The following ADD3 variants were observed in gnomAD, a reference collection of about 807,000 sequenced individuals.
The protein encoded by ADD3 is gamma-adducin.
In ADD3, 25 loss-of-function variants were observed where a neutral mutation model predicts 80.2. That is an observed-to-expected ratio of 0.31 (90% confidence interval 0.23 to 0.44). The LOEUF is 0.44. Among genes scored for constraint, ADD3 ranks in the 20% least tolerant of loss-of-function variants. The probability of loss-of-function intolerance (pLI) is 1.00; values close to 1 mark genes in which losing one functional copy is unlikely to be tolerated. For synonymous variants in ADD3, 284 were observed against 289.6 expected (o/e 0.98, Z 0.20); for missense variants, 829 against 847.5 (o/e 0.98, Z 0.27).
intron 2 of ADD3, among the ~76,000 whole-genome samples, chr10:110,103,182 TG>T (rs1849026942): frequency 6.6e-6 from 1 of 152,240 alleles, no homozygotes; most frequent in Admixed American, 6.5e-5. Flanking sequence ...TTTCTTTTAA[TG>T]CAACAGAAAC....
At chr10:110,030,427 T>C (rs1415747633) in intron 1 of ADD3, among the ~76,000 whole-genome samples, 1 of 151,634 alleles carries the variant, frequency 6.6e-6, no homozygotes, top group East Asian at 1.9e-4. Flanking sequence ...CTTGTGTATA[T>C]GTTTGACAAA....
rs770713217 is a variant in ADD3, at chr10:110,118,711, A to C, written c.692A>C (p.His231Pro). Residue 231 changes from histidine to proline, a missense_variant, in exon 6 of 15, where the codon CAC (histidine) becomes CCC (proline). Transcript: ENST00000356080. ...CGTCCTGATGTTAAGTGTGTGATAC[A>C]CATCCATACCCTTGCAACAGCAGCT... ...STRPDVKCVI[H>P]IHTLATAAVS... The C allele has an allele frequency of 6.2e-7, 1 of 1,614,030 alleles. No individual in the cohort carries two copies. The highest frequency in any genetic ancestry group is 8.5e-7 in the Non-Finnish European group (1 of 1,180,000).
chr10:110,135,457 C>G lies in ADD3; in HGVS notation c.*1839C>G, dbSNP rs972162814. The G allele has an allele frequency of 3.9e-5, 6 of 152,502 alleles. No individual in the cohort carries two copies. The highest frequency in any genetic ancestry group is 1.4e-4 in the African/African-American group (6 of 41,390). 9.4% of individuals were successfully genotyped at this position (152,502 alleles called of 1,614,324 possible). ...TACTTGCTTTGGCATAAAGAATGAG[C>G]CAATGAACCTCTGTGTCCTGTGGAA... On this transcript the variant is annotated 3_prime_UTR_variant, in exon 15 of 15. Transcript: ENST00000356080.
chr10:110,065,376 A>C (rs1039672579), intron 1 of ADD3, among the ~76,000 whole-genome samples: 8 of 151,702 alleles, frequency 5.3e-5, no homozygotes, highest in Non-Finnish European at 1.5e-5. Flanking sequence ...CCACTCTGCA[A>C]AAAGTCTCTA....
intron 1 of ADD3, among the ~76,000 whole-genome samples, chr10:110,079,972 C>T (rs1845883337): frequency 6.6e-6 from 1 of 152,176 alleles, no homozygotes; most frequent in Non-Finnish European, 1.5e-5. Context: ...ATCAGACGTA[C>T]TTATGCTATC....
At chr10:110,071,921 AT>A (rs60622863) in intron 1 of ADD3, among the ~76,000 whole-genome samples, 18,937 of 152,226 alleles carry the variant, frequency 0.12, 3,762 homozygotes, top group African/African-American at 0.42. Flanking sequence ...TATTTTGAAC[AT>A]TAACCATATT....
chr10:110,060,011 C>T (rs1858691880), intron 1 of ADD3, among the ~76,000 whole-genome samples: 1 of 152,148 alleles, frequency 6.6e-6, no homozygotes, highest in Non-Finnish European at 1.5e-5. Context: ...GTGTATTACA[C>T]AGGCTTGGTC....
intron 1 of ADD3, among the ~76,000 whole-genome samples, chr10:110,046,232 C>T (rs1397505074): frequency 6.6e-6 from 1 of 152,072 alleles, no homozygotes; most frequent in African/African-American, 2.4e-5. Context: ...AAATACAGTA[C>T]AGTACCGTAA....
intron 1 of ADD3, among the ~76,000 whole-genome samples, chr10:110,082,006 C>T (rs1846112992): frequency 6.6e-6 from 1 of 152,188 alleles, no homozygotes; most frequent in African/African-American, 2.4e-5. Context: ...GGGGAAGTCT[C>T]ATTACCCTGG....
rs1846975792 is a variant in ADD3, at chr10:110,087,749, T to C, written c.-29-12876T>C. ...TCACACTGTTGATGGTAAAATGCTT[T>C]CAAAAATAGATATTAGGATGGAAAT... On this transcript the variant is annotated intron_variant, in intron 1 of 14. Coordinates refer to ENST00000356080, the MANE Select transcript of ADD3 (RefSeq NM_016824.5). Among the ~76,000 whole-genome samples, 12 of 152,238 alleles carry C rather than the reference T, an allele frequency of 7.9e-5. No homozygotes were observed. In the South Asian group the frequency reaches 2.5e-3, roughly 31 times the overall value.
chr10:110,029,035 A>G (rs1396887247), intron 1 of ADD3, among the ~76,000 whole-genome samples: 1 of 152,136 alleles, frequency 6.6e-6, no homozygotes, highest in African/African-American at 2.4e-5. Flanking sequence ...ATGTGTCACC[A>G]TGCCCAGCTA....
chr10:110,073,159 T>TTTC (rs1554932882), intron 1 of ADD3, among the ~76,000 whole-genome samples: 3 of 146,934 alleles, frequency 2.0e-5, no homozygotes, highest in African/African-American at 7.8e-5. Flanking sequence ...TTTTTTTTTT[T>TTTC]CGAGACTGGG....
chr10:110,076,293 T>C (rs923320852), intron 1 of ADD3, among the ~76,000 whole-genome samples: 1 of 152,142 alleles, frequency 6.6e-6, no homozygotes, highest in Non-Finnish European at 1.5e-5. Context: ...TTATTTTAGA[T>C]CCTATTAAAG....
intron 1 of ADD3, among the ~76,000 whole-genome samples, chr10:110,073,408 C>T (rs954792733): frequency 6.6e-6 from 1 of 152,164 alleles, no homozygotes; most frequent in Non-Finnish European, 1.5e-5. Flanking sequence ...TCCCAAACTG[C>T]TGGGATTACA....
upstream of ADD3, among the ~76,000 whole-genome samples, chr10:110,003,573 G>A (rs7894474): frequency 0.016 from 2,390 of 152,050 alleles, 35 homozygotes; most frequent in Middle Eastern, 0.051. Flanking sequence ...ATAATCCACC[G>A]CCACCACCAC....
chr10:110,091,735 CA>C (rs1295375520), intron 1 of ADD3, among the ~76,000 whole-genome samples: 3 of 151,934 alleles, frequency 2.0e-5, no homozygotes, highest in Non-Finnish European at 4.4e-5. Flanking sequence ...TGCAAAAAAA[CA>C]AAAATAAACT....
chr10:110,093,139 G>A (rs1387318474), intron 1 of ADD3, among the ~76,000 whole-genome samples: 1 of 152,152 alleles, frequency 6.6e-6, no homozygotes, highest in Non-Finnish European at 1.5e-5. Context: ...TATTACCAGC[G>A]TGAGCCACCA....
intron 10 of ADD3, among the ~76,000 whole-genome samples, chr10:110,125,381 A>G (rs753947481): frequency 5.9e-5 from 9 of 152,158 alleles, no homozygotes; most frequent in African/African-American, 9.7e-5. Flanking sequence ...CTGTCAGCCA[A>G]AAATAAAAAG....
chr10:110,046,653 A>G (rs1856944021), intron 1 of ADD3, among the ~76,000 whole-genome samples: 1 of 152,162 alleles, frequency 6.6e-6, no homozygotes, highest in African/African-American at 2.4e-5. Context: ...ACTTTGGGGA[A>G]GTTGCTGAAC....
Sources: gnomAD v4.1 joint callset for allele counts (sites outside exome capture counted in the v4.1 genomes callset) on GRCh38, gnomAD v4.1.1 for gene constraint, MANE v1.5 for transcripts, NCBI Gene and HGNC (gene_info 2026-07-23, HGNC 2026-07-21) for gene names.